The following CNTN4 variants were observed in gnomAD, a reference collection of about 807,000 sequenced individuals.
CNTN4 encodes the protein contactin-4.
Under a neutral mutation model 122.5 loss-of-function variants are expected in CNTN4, and 77 were observed. The observed-to-expected ratio is 0.63, with a 90% CI of 0.52 to 0.76. The LOEUF (loss-of-function observed/expected upper bound fraction) is 0.76, where lower values mean the gene tolerates loss of function less well. Among genes scored for constraint, CNTN4 ranks in the 30% least tolerant of loss-of-function variants. The probability of loss-of-function intolerance (pLI) is 0.00; values close to 1 mark genes in which losing one functional copy is unlikely to be tolerated. For synonymous variants in CNTN4, 512 were observed against 447.0 expected, an observed-to-expected ratio of 1.15 and a Z score of -1.83; for missense variants, 1,256 against 1,259.1, an observed-to-expected ratio of 1.00 and a Z score of 0.04.
chr3:2,639,717 C>T (rs1352437857), intron 4 of CNTN4, among the ~76,000 whole-genome samples: 1 of 152,094 alleles, frequency 6.6e-6, no homozygotes. Flanking sequence ...AAATATTTAA[C>T]ACATTTGTGT....
chr3:2,383,986 C>G (rs980405081), intron 3 of CNTN4, among the ~76,000 whole-genome samples: 1 of 152,094 alleles, frequency 6.6e-6, no homozygotes, highest in Non-Finnish European at 1.5e-5. Flanking sequence ...CTATGACTGA[C>G]TGTAATAACT....
intron 13 of CNTN4, among the ~76,000 whole-genome samples, chr3:2,968,536 G>A (rs375511205): frequency 1.3e-5 from 2 of 152,148 alleles, no homozygotes; most frequent in African/African-American, 4.8e-5. Flanking sequence ...TAGCACTAAA[G>A]ATGAATCCTG....
intron 3 of CNTN4, among the ~76,000 whole-genome samples, chr3:2,545,617 CTTTT>C (rs545099083): frequency 1.4e-5 from 2 of 140,142 alleles, no homozygotes; most frequent in African/African-American, 2.6e-5. Context: ...TATGTAATGC[CTTTT>C]TTTTTTTTTA....
chr3:2,491,492 A>AT (rs2076316272), intron 3 of CNTN4, among the ~76,000 whole-genome samples: 3 of 152,164 alleles, frequency 2.0e-5, no homozygotes, highest in Non-Finnish European at 2.9e-5. Flanking sequence ...CTTAAAAAAT[A>AT]TTTTTCTGAA....
chr3:2,860,757 A>T (rs1273186228), intron 7 of CNTN4, among the ~76,000 whole-genome samples: 1 of 152,138 alleles, frequency 6.6e-6, no homozygotes, highest in Non-Finnish European at 1.5e-5. Context: ...TGTCATCCAG[A>T]GGCCCCCTCT....
At chr3:2,672,679 C>T (rs1179131515) in intron 4 of CNTN4, among the ~76,000 whole-genome samples, 1 of 152,232 alleles carries the variant, frequency 6.6e-6, no homozygotes, top group Non-Finnish European at 1.5e-5. Flanking sequence ...AATCATTCGT[C>T]TTCTGTGTTG....
chr3:2,627,505 T>G (rs1345479283), intron 4 of CNTN4, among the ~76,000 whole-genome samples: 1 of 148,654 alleles, frequency 6.7e-6, no homozygotes, highest in East Asian at 2.0e-4. Context: ...TTTTTTTTTT[T>G]TTTTTTGAGA....
intron 6 of CNTN4, among the ~76,000 whole-genome samples, chr3:2,780,541 A>C (rs2091528700): frequency 6.6e-6 from 1 of 152,186 alleles, no homozygotes; most frequent in Non-Finnish European, 1.5e-5. Context: ...GCTTCTCTTA[A>C]AGACATGGAA....
chr3:2,695,894 C>T lies in CNTN4; in HGVS notation c.56-40321C>T, dbSNP rs568753011. ...GGAAGGGAGACAATAGAAGTTAAGG[C>T]ACTGAGGTATGAAATCAGTATAGGG... On this transcript the variant is annotated intron_variant, in intron 4 of 24. Transcript: ENST00000418658. Among the ~76,000 whole-genome samples the T allele has an allele frequency of 5.3e-4, 81 of 152,174 alleles. 1 individual carries two copies. The Middle Eastern group carries it at 0.01, about 19-fold the overall frequency.
At chr3:2,205,815 A>G (rs1290073329) in intron 2 of CNTN4, among the ~76,000 whole-genome samples, 1 of 152,174 alleles carries the variant, frequency 6.6e-6, no homozygotes, top group African/African-American at 2.4e-5. Context: ...TTTTAGAAGC[A>G]TAAGATTATT....
rs117075292 is a variant in CNTN4 at position 3,029,133 on chromosome 3, T to C, written c.1663-1722T>C. 2.2e-3 allele frequency among the ~76,000 whole-genome samples: 339 copies of C among 152,296 alleles called. 4 individuals are homozygous for C. In the East Asian group the frequency reaches 0.043, roughly 20 times the overall value. ...CATTTTATTGAGCAATTATAAGACT[T>C]GATCCGTAAACAGTGGCATCTGGAT... On this transcript the variant is annotated intron_variant, in intron 15 of 24. Coordinates refer to ENST00000418658, the MANE Select transcript of CNTN4 (RefSeq NM_175607.3).
intron 6 of CNTN4, among the ~76,000 whole-genome samples, chr3:2,816,500 G>A (rs2092733943): frequency 6.6e-6 from 1 of 151,926 alleles, no homozygotes; most frequent in Admixed American, 6.6e-5. Flanking sequence ...GGTGATGGGT[G>A]CACCAAAATC....
At chr3:2,500,383 C>A (rs2076564747) in intron 3 of CNTN4, among the ~76,000 whole-genome samples, 2 of 152,080 alleles carry the variant, frequency 1.3e-5, no homozygotes, top group Admixed American at 6.5e-5. Flanking sequence ...CTTCTAAGAT[C>A]ATCATTCTTT....
chr3:2,480,008 A>G (rs190635427), intron 3 of CNTN4, among the ~76,000 whole-genome samples: 8 of 146,048 alleles, frequency 5.5e-5, no homozygotes, highest in Non-Finnish European at 9.5e-5. Flanking sequence ...AGTAGGCTAA[A>G]GAAGAAAAAT....
intron 3 of CNTN4, among the ~76,000 whole-genome samples, chr3:2,565,252 A>G (rs1576013614): frequency 6.6e-6 from 1 of 152,142 alleles, no homozygotes; most frequent in Non-Finnish European, 1.5e-5. Context: ...TGTTCTATTC[A>G]TATTTTCAGA....
At chr3:2,934,725 TG>T (rs973365659) in intron 13 of CNTN4, among the ~76,000 whole-genome samples, 5 of 152,216 alleles carry the variant, frequency 3.3e-5, no homozygotes, top group Non-Finnish European at 5.9e-5. Flanking sequence ...AATTCTGCCC[TG>T]GGGAACAATT....
intron 2 of CNTN4, among the ~76,000 whole-genome samples, chr3:2,189,571 A>C (rs953156472): frequency 2.6e-5 from 4 of 152,304 alleles, no homozygotes; most frequent in African/African-American, 9.6e-5. Flanking sequence ...ACCCTGAGAG[A>C]GGAGTCAGCC....
intron 3 of CNTN4, among the ~76,000 whole-genome samples, chr3:2,460,297 C>T (rs1214305731): frequency 6.6e-6 from 1 of 152,060 alleles, no homozygotes; most frequent in East Asian, 1.9e-4. Context: ...GCCACTGTTC[C>T]AAAAGTCATT....
intron 13 of CNTN4, among the ~76,000 whole-genome samples, chr3:2,946,954 C>T (rs1371024943): frequency 6.6e-6 from 1 of 152,134 alleles, no homozygotes; most frequent in African/African-American, 2.4e-5. Flanking sequence ...AATCCTCCCA[C>T]CTTGTCCTCC....
Sources: gnomAD v4.1 joint callset for allele counts (sites outside exome capture counted in the v4.1 genomes callset) on GRCh38, gnomAD v4.1.1 for gene constraint, MANE v1.5 for transcripts, NCBI Gene and HGNC (gene_info 2026-07-23, HGNC 2026-07-21) for gene names.